The following AKAP13 variants were observed in gnomAD, a reference collection of about 807,000 sequenced individuals.
The protein encoded by AKAP13 is A-kinase anchor protein 13.
Under a neutral mutation model 264.5 loss-of-function variants are expected in AKAP13, and 80 were observed. The observed-to-expected ratio is 0.30, with a 90% CI of 0.25 to 0.36. The LOEUF is 0.36. Ranked by LOEUF, AKAP13 falls within the 10% of genes least tolerant of loss-of-function variation. AKAP13 has a pLI of 1.00. For missense variants in AKAP13, 3,712 were observed against 3,435.2 expected (o/e 1.08, Z -2.01); for synonymous variants, 1,380 against 1,250.2 (o/e 1.10, Z -2.19).
chr15:85,529,203 C>T (rs7180022), intron 3 of AKAP13, among the ~76,000 whole-genome samples: 79,248 of 151,948 alleles, frequency 0.52, 21,116 homozygotes, highest in Middle Eastern at 0.62. Context: ...GGGCGGATTA[C>T]GAGGTCAGGA....
At chr15:85,438,990 C>T (rs1353913100) in intron 1 of AKAP13, among the ~76,000 whole-genome samples, 4 of 145,120 alleles carry the variant, frequency 2.8e-5, no homozygotes, top group African/African-American at 7.6e-5. Context: ...AACTAAAGAG[C>T]TTCTGCACAG....
Position 85,719,073 on chromosome 15 carries a change from T to C in AKAP13, c.6002-3T>C, listed in dbSNP as rs77595986. On this transcript the variant is annotated splice_polypyrimidine_tract_variant and splice_region_variant and intron_variant, in intron 22 of 36. Coordinates refer to ENST00000394518, the MANE Select transcript of AKAP13 (RefSeq NM_007200.5). ...TGACACTTGATCTTTTTCCTCCTTT[T>C]AGAGTTGATGCAGACAGAGTTTCAT... The C allele has an allele frequency of 4.3e-6, 7 of 1,613,754 alleles. No individual in the cohort carries two copies. In the African/African-American group the frequency reaches 5.3e-5, roughly 12 times the overall value.
At chr15:85,387,200 G>A (rs1411183027) in intron 1 of AKAP13, among the ~76,000 whole-genome samples, 1 of 152,054 alleles carries the variant, frequency 6.6e-6, no homozygotes, top group Admixed American at 6.5e-5. Flanking sequence ...GCTGGGCGTG[G>A]TGGTGGGCGC....
intron 2 of AKAP13, among the ~76,000 whole-genome samples, chr15:85,505,249 T>C (rs2076180141): frequency 6.6e-6 from 1 of 152,172 alleles, no homozygotes; most frequent in African/African-American, 2.4e-5. Flanking sequence ...AGAACTTGAG[T>C]AGATTTATTG....
chr15:85,682,856 G>A (rs1342296647), intron 15 of AKAP13, among the ~76,000 whole-genome samples: 2 of 152,110 alleles, frequency 1.3e-5, no homozygotes, highest in African/African-American at 4.8e-5. Flanking sequence ...TAGTAGGGAT[G>A]GGGTTTCTCC....
At chr15:85,736,764 C>A (rs1281266498) in intron 33 of AKAP13, among the ~76,000 whole-genome samples, 1 of 152,150 alleles carries the variant, frequency 6.6e-6, no homozygotes, top group Non-Finnish European at 1.5e-5. Context: ...TTCCTTTGGT[C>A]TAAGCACACT....
At chr15:85,604,315 G>A (rs1230699931) in intron 8 of AKAP13, among the ~76,000 whole-genome samples, 2 of 152,144 alleles carry the variant, frequency 1.3e-5, no homozygotes, top group Non-Finnish European at 2.9e-5. Flanking sequence ...CTAAAAATTA[G>A]GTGAAGAATA....
At chr15:85,539,603 A>T (rs1414313401) in intron 4 of AKAP13, among the ~76,000 whole-genome samples, 1 of 152,246 alleles carries the variant, frequency 6.6e-6, no homozygotes, top group Non-Finnish European at 1.5e-5. Flanking sequence ...TATAAAAGAT[A>T]CAACCCTCTA....
intron 1 of AKAP13, among the ~76,000 whole-genome samples, chr15:85,403,995 G>A (rs1370471296): frequency 1.3e-5 from 2 of 152,170 alleles, no homozygotes; most frequent in African/African-American, 4.8e-5. Context: ...GCCCCAGAGA[G>A]TTGCCTGGAG....
chr15:85,639,369 T>G lies in AKAP13; in HGVS notation c.4162-5T>G, dbSNP rs1054964374. 4 of 1,605,074 alleles carry G rather than the reference T, an allele frequency of 2.5e-6. No individual in the cohort carries two copies. The highest frequency in any genetic ancestry group is 1.7e-4 in the Middle Eastern group (1 of 6,046). On this transcript the variant is annotated splice_polypyrimidine_tract_variant and splice_region_variant and intron_variant, in intron 8 of 36. Coordinates refer to ENST00000394518, the MANE Select transcript of AKAP13 (RefSeq NM_007200.5). ...CTGAAACTCTGTGTTTTCTTTTTCT[T>G]TCAGATAAACCGAGAAAACTGGTGT...
chr15:85,533,909 CTT>C, intron 4 of AKAP13, 29 bp downstream of exon 4: 4 of 1,517,144 alleles, frequency 2.6e-6, no homozygotes, highest in Non-Finnish European at 3.5e-6. Context: ...TACAAACACA[CTT>C]TAAGTTTGTG....
At chr15:85,646,756 C>G (rs2082577437) in intron 10 of AKAP13, among the ~76,000 whole-genome samples, 2 of 152,168 alleles carry the variant, frequency 1.3e-5, no homozygotes. Context: ...CAATAGAGCC[C>G]TTCCACATGA....
At chr15:85,737,758 C>T (rs1249711548) in intron 33 of AKAP13, among the ~76,000 whole-genome samples, 6 of 152,224 alleles carry the variant, frequency 3.9e-5, no homozygotes, top group Middle Eastern at 3.4e-3. Flanking sequence ...CTGCCTCGGC[C>T]TCCAGAGTAG....
chr15:85,655,275 A>G (rs1209985906), intron 10 of AKAP13, 142 bp from the exon 11 acceptor site: 11 of 953,422 alleles, frequency 1.2e-5, no homozygotes, highest in South Asian at 1.1e-4. Context: ...TGATCATCCT[A>G]TTAAAAAAAC....
At chr15:85,502,064 A>G (rs192830750) in intron 2 of AKAP13, among the ~76,000 whole-genome samples, 5 of 152,282 alleles carry the variant, frequency 3.3e-5, no homozygotes, top group Admixed American at 2.6e-4. Context: ...ATTAAAACCC[A>G]GATTGCTGGG....
chr15:85,734,958 A>G, intron 30 of AKAP13, 34 bp from the exon 31 acceptor site: 1 of 1,602,410 alleles, frequency 6.2e-7, no homozygotes, highest in East Asian at 2.2e-5. Flanking sequence ...ATTGAAAGAT[A>G]AGATGTCAGC....
chr15:85,584,777 A>C (rs2079271026), intron 7 of AKAP13, among the ~76,000 whole-genome samples: 1 of 152,230 alleles, frequency 6.6e-6, no homozygotes, highest in South Asian at 2.1e-4. Context: ...TGTGCTCTTT[A>C]GTGTGGGGAG....
chr15:85,685,041 A>C (rs1354310016), intron 16 of AKAP13, 168 bp downstream of exon 16: 2 of 830,394 alleles, frequency 2.4e-6, no homozygotes, highest in Non-Finnish European at 3.6e-6. Context: ...GAAAAATAGC[A>C]AGAAGTGGAA....
chr15:85,734,939 T>C, intron 30 of AKAP13, 53 bp from the exon 31 acceptor site: 1 of 1,593,724 alleles, frequency 6.3e-7, no homozygotes, highest in Non-Finnish European at 8.5e-7. Context: ...ATGAACTTGT[T>C]TTCCCCTCAT....
Sources: gnomAD v4.1 joint callset for allele counts (sites outside exome capture counted in the v4.1 genomes callset) on GRCh38, gnomAD v4.1.1 for gene constraint, MANE v1.5 for transcripts, NCBI Gene and HGNC (gene_info 2026-07-23, HGNC 2026-07-21) for gene names.